Variants in CFAP74 observed in about 807,000 individuals in gnomAD.
CFAP74 encodes the protein cilia and flagella associated protein 74.
In CFAP74, 124 loss-of-function variants were observed where a neutral mutation model predicts 188.9. The observed-to-expected ratio is 0.66, with a 90% CI of 0.57 to 0.76. The LOEUF (loss-of-function observed/expected upper bound fraction) is 0.76. Ranked by LOEUF, CFAP74 falls within the 30% of genes least tolerant of loss-of-function variation. The pLI, the probability that CFAP74 is intolerant of heterozygous loss-of-function variation, is 0.00. For missense variants in CFAP74, 2,198 were observed against 2,165.2 expected, an observed-to-expected ratio of 1.02 and a Z score of -0.30; for synonymous variants, 956 against 916.7, an observed-to-expected ratio of 1.04 and a Z score of -0.77.
intron 14 of CFAP74, among the ~76,000 whole-genome samples, chr1:1,961,326 C>A (rs540486875): frequency 6.6e-6 from 1 of 152,166 alleles, no homozygotes; most frequent in South Asian, 2.1e-4. Flanking sequence ...AAAAATCAGC[C>A]CACACCAGAC....
At chr1:1,993,841 G>A (rs903664257) in intron 1 of CFAP74, among the ~76,000 whole-genome samples, 24 of 150,960 alleles carry the variant, frequency 1.6e-4, no homozygotes, top group Middle Eastern at 3.2e-3. Flanking sequence ...AATTAGCCGG[G>A]CGTGGTGGCG....
chr1:1,951,797 G>A (rs1238007473), intron 18 of CFAP74, among the ~76,000 whole-genome samples: 1 of 152,188 alleles, frequency 6.6e-6, no homozygotes, highest in Non-Finnish European at 1.5e-5. Flanking sequence ...ATGGCCAGGT[G>A]CAGTGGCTCA....
At chr1:1,965,584 C>T (rs1655410713) in intron 12 of CFAP74, among the ~76,000 whole-genome samples, 1 of 152,150 alleles carries the variant, frequency 6.6e-6, no homozygotes, top group South Asian at 2.1e-4. Context: ...TGGGTCCTGG[C>T]TCTGGGCTGT....
intron 14 of CFAP74, among the ~76,000 whole-genome samples, chr1:1,962,784 C>T (rs1655185091): frequency 6.6e-6 from 1 of 152,076 alleles, no homozygotes; most frequent in South Asian, 2.1e-4. Flanking sequence ...ACTCAGGAGG[C>T]TGATTGAGGC....
intron 22 of CFAP74, among the ~76,000 whole-genome samples, 177 bp downstream of exon 22, chr1:1,941,851 A>G (rs1653396951): frequency 6.6e-6 from 1 of 152,190 alleles, no homozygotes; most frequent in Admixed American, 6.5e-5. Context: ...ACCAAAACGG[A>G]CCACAGACCC....
intron 12 of CFAP74, 77 bp downstream of exon 12, chr1:1,966,294 C>G: frequency 7.5e-7 from 1 of 1,333,924 alleles, no homozygotes; most frequent in South Asian, 1.7e-5. Flanking sequence ...GTGGCCGGGG[C>G]AGGCGTGGGA....
At position 1,925,948 on chromosome 1, in the gene CFAP74, C is replaced by A; in HGVS notation, c.3949-10G>T. 1 of 1,590,048 alleles carries A rather than the reference C, an allele frequency of 6.3e-7. No individual in the cohort carries two copies. The highest frequency in any genetic ancestry group is 1.3e-5 in the African/African-American group (1 of 74,492). ...CCAGTGTTTCTTGAGCCTAAAGAGACCACATCGCTCAGCCAGGAACCGATG... is the reference window on the plus strand; with the variant it reads ...CCAGTGTTTCTTGAGCCTAAAGAGAACACATCGCTCAGCCAGGAACCGATG... On this transcript the variant is annotated splice_polypyrimidine_tract_variant and intron_variant, in intron 32 of 38. Coordinates refer to ENST00000682832, the MANE Select transcript of CFAP74 (RefSeq NM_001304360.2).
rs1287877837 is a variant in CFAP74, at chr1:1,965,032, G to A, written c.1431C>T (p.Pro477=). ...CCTTGTCCATCTTTGTCCCGCCCAC[G>A]GGCTTTCGGTCCACGTCCTCCTTGG... ...QVPKEDVDRK[P]VGGTKMDKDI... The change falls in exon 13 of 39, where the codon CCC becomes CCT. Residue 477 remains proline, a synonymous_variant. Coordinates refer to ENST00000682832, the MANE Select transcript of CFAP74 (RefSeq NM_001304360.2). The A allele has an allele frequency of 3.1e-6, 5 of 1,613,674 alleles. No individual in the cohort carries two copies. Among genetic ancestry groups the A allele is most frequent in the Middle Eastern group, 1.7e-4 (1 of 6,060 alleles).
intron 26 of CFAP74, among the ~76,000 whole-genome samples, chr1:1,929,107 G>A (rs1212336581): frequency 6.6e-6 from 1 of 151,790 alleles, no homozygotes; most frequent in Non-Finnish European, 1.5e-5. Flanking sequence ...CATGCAGGGG[G>A]CAGTCCTGTG....
chr1:1,943,545 C>T (rs1653535527), intron 21 of CFAP74, among the ~76,000 whole-genome samples: 1 of 152,364 alleles, frequency 6.6e-6, no homozygotes, highest in Admixed American at 6.5e-5. Flanking sequence ...GCAGGCCCAG[C>T]CTCGCCGTCC....
chr1:1,995,648 G>T (rs545003267), intron 1 of CFAP74, among the ~76,000 whole-genome samples: 1 of 151,946 alleles, frequency 6.6e-6, no homozygotes, highest in Non-Finnish European at 1.5e-5. Context: ...GGTGGCTCAC[G>T]CCTGTAATCC....
chr1:1,986,473 G>A (rs1408023903), intron 5 of CFAP74, among the ~76,000 whole-genome samples: 3 of 152,164 alleles, frequency 2.0e-5, no homozygotes, highest in African/African-American at 4.8e-5. Context: ...GGCTGAACTC[G>A]GCAGGCCCTG....
intron 18 of CFAP74, among the ~76,000 whole-genome samples, chr1:1,950,583 G>A (rs1654146012): frequency 6.6e-6 from 1 of 152,102 alleles, no homozygotes; most frequent in African/African-American, 2.4e-5. Context: ...CAGGTGATCT[G>A]CTCACCTCGG....
At chr1:1,960,055 C>A in intron 14 of CFAP74, 25 bp from the exon 15 acceptor site, 1 of 1,588,830 alleles carries the variant, frequency 6.3e-7, no homozygotes, top group Non-Finnish European at 8.6e-7. Context: ...CCATAGCACA[C>A]GGGGGTTAGT....
chr1:1,975,372 C>T lies in CFAP74; in HGVS notation c.501-1174G>A, dbSNP rs138905733. Among the ~76,000 whole-genome samples, 2 of 152,186 alleles carry T rather than the reference C, an allele frequency of 1.3e-5. No homozygotes were observed. The highest frequency in any genetic ancestry group is 2.9e-5 in the Non-Finnish European group (2 of 67,966). ...TAACGTTGAGCCTTTTTCGGGGCTC[C>T]TAGGATATAAACTCCAACTTGGCAA... On this transcript the variant is annotated intron_variant, in intron 6 of 38. Coordinates refer to ENST00000682832, the MANE Select transcript of CFAP74 (RefSeq NM_001304360.2). This position sits in a 1 kb window ranked among gnomAD's most constrained non-coding sequence, Gnocchi z 4.5.
intron 20 of CFAP74, among the ~76,000 whole-genome samples, chr1:1,945,890 G>T (rs376911986): frequency 6.7e-5 from 10 of 149,864 alleles, no homozygotes; most frequent in Admixed American, 2.0e-4. Flanking sequence ...TGGGCTCTGC[G>T]TGTGTGCATG....
At chr1:1,979,429 A>C (rs1656670214) in intron 6 of CFAP74, among the ~76,000 whole-genome samples, 1 of 141,024 alleles carries the variant, frequency 7.1e-6, no homozygotes, top group Admixed American at 7.0e-5. Flanking sequence ...TGTGGTACTG[A>C]GCTGGGCGTG....
Position 1,964,872 on chromosome 1 carries a change from C to G in CFAP74, c.1575+16G>C. ...TGCTGCTGCCCGTCCCGTTCCTGGC[C>G]CAGCTGCGGGCTCACCTGGAAGTGG... On this transcript the variant is annotated intron_variant, in intron 13 of 38. Transcript: ENST00000682832. 6.2e-7 allele frequency: 1 copy of G among 1,613,326 alleles called. No individual in the cohort carries two copies. Among genetic ancestry groups the G allele is most frequent in the Non-Finnish European group, 8.5e-7 (1 of 1,179,870 alleles).
intron 10 of CFAP74, 137 bp downstream of exon 10, chr1:1,970,522 G>C: frequency 1.0e-6 from 1 of 955,138 alleles, no homozygotes; most frequent in East Asian, 2.7e-5. Flanking sequence ...CCCTGTTCCC[G>C]TGCCCCACAG....
Sources: gnomAD v4.1 joint callset for allele counts (sites outside exome capture counted in the v4.1 genomes callset) on GRCh38, gnomAD v4.1.1 for gene constraint, Gnocchi (gnomAD v3.1) non-coding constraint, MANE v1.5 for transcripts, NCBI Gene and HGNC (gene_info 2026-07-23, HGNC 2026-07-21) for gene names.